ATP13A3: variants seen among roughly 807,000 people sequenced by gnomAD.
ATP13A3 encodes the protein polyamine-transporting ATPase 13A3.
ATP13A3 carries 59 observed loss-of-function variants against 158.1 expected under a neutral mutation model. That is an observed-to-expected ratio of 0.37 (90% CI 0.30 to 0.46). The LOEUF (loss-of-function observed/expected upper bound fraction) is 0.46. Among genes scored for constraint, ATP13A3 ranks in the 20% least tolerant of loss-of-function variants. ATP13A3 has a pLI of 1.00. For synonymous variants in ATP13A3, 491 were observed against 504.3 expected (o/e 0.97, Z 0.35); for missense variants, 1,166 against 1,525.2 (o/e 0.76, Z 3.92).
chr3:194,445,696 T>C (rs1416672986), intron 14 of ATP13A3, among the ~76,000 whole-genome samples: 1 of 152,242 alleles, frequency 6.6e-6, no homozygotes, highest in Non-Finnish European at 1.5e-5. Flanking sequence ...TATTTTTTTC[T>C]AACAGAACAT....
intron 15 of ATP13A3, among the ~76,000 whole-genome samples, chr3:194,442,902 C>T (rs901526052): frequency 5.3e-5 from 8 of 152,072 alleles, no homozygotes; most frequent in African/African-American, 1.9e-4. Flanking sequence ...GAAATAACAG[C>T]TTCATAGTAT....
At chr3:194,406,991 A>T (rs1714986591) in intron 33 of ATP13A3, among the ~76,000 whole-genome samples, 1 of 152,212 alleles carries the variant, frequency 6.6e-6, no homozygotes, top group Non-Finnish European at 1.5e-5. Context: ...ATCAATCCTG[A>T]TGTTTTTAGT....
rs189935857 is a variant in ATP13A3, at chr3:194,414,221, G to T, written c.3403-382C>A. On this transcript the variant is annotated intron_variant, in intron 31 of 33. Coordinates refer to ENST00000645319, the MANE Select transcript of ATP13A3 (RefSeq NM_001367549.1). ...CTCATGCCTGTGATCCCAACATCTT[G>T]GGAGGCAGAGGTGGGCAGATCACTT... 2.7e-3 allele frequency among the ~76,000 whole-genome samples: 416 copies of T among 152,212 alleles called. 1 individual carries two copies. Among genetic ancestry groups the T allele is most frequent in the Non-Finnish European group, 4.4e-3 (301 of 68,022 alleles).
At chr3:194,441,274 T>G in intron 16 of ATP13A3, 37 bp downstream of exon 16, 1 of 1,522,296 alleles carries the variant, frequency 6.6e-7, no homozygotes, top group Non-Finnish European at 9.0e-7. Context: ...ACTATTATTT[T>G]CCTAAAGTTA....
chr3:194,458,928 C>A (rs1055200008), intron 6 of ATP13A3: 2 of 151,982 alleles, frequency 1.3e-5, no homozygotes, highest in African/African-American at 4.8e-5. Context: ...TCTAAAGCAA[C>A]GATATTAATG....
In ATP13A3 at chr3:194,486,563, C is replaced by A; in HGVS notation, c.-89+3G>T. On this transcript the variant is annotated splice_donor_region_variant and intron_variant, in intron 1 of 33. Coordinates refer to ENST00000645319, the MANE Select transcript of ATP13A3 (RefSeq NM_001367549.1). Reference sequence around the variant, plus strand: ...CTGCCCACCCGCCCCTCGCCCCGCTCACCGGGGCCGCTCACTGGCCGCCGC... The same window carrying A: ...CTGCCCACCCGCCCCTCGCCCCGCTAACCGGGGCCGCTCACTGGCCGCCGC... The A allele has an allele frequency of 6.6e-6, 1 of 151,736 alleles. No homozygotes were observed. The highest frequency in any genetic ancestry group is 1.8e-4 in the South Asian group (1 of 5,584). The allele number at this position is 151,736 out of a possible 1,614,324, so 9.4% of individuals were successfully genotyped here.
At chr3:194,492,969 A>G (rs1216463445) in intron 2 of ATP13A3, among the ~76,000 whole-genome samples, 1 of 152,080 alleles carries the variant, frequency 6.6e-6, no homozygotes, top group East Asian at 1.9e-4. Flanking sequence ...CACATAAAAT[A>G]TCCTTCTCAC....
In ATP13A3 at chr3:194,416,429, G is replaced by A. The variant is rs542350018; in HGVS notation, c.3403-2590C>T. 4.6e-5 allele frequency among the ~76,000 whole-genome samples: 7 copies of A among 152,150 alleles called. No homozygotes were observed. In the East Asian group the frequency reaches 1.4e-3, roughly 29 times the overall value. ...GCCGAGATCATGCCACTGCACTCCAGCCTGGGCGACAGAGCGAGACTCCAT... is the reference window on the plus strand; with the variant it reads ...GCCGAGATCATGCCACTGCACTCCAACCTGGGCGACAGAGCGAGACTCCAT... On this transcript the variant is annotated intron_variant, in intron 31 of 33. Transcript: ENST00000645319.
rs370382529 is a variant in ATP13A3 at position 194,437,294 on chromosome 3, C to T, written c.1999+17G>A. The T allele has an allele frequency of 1.9e-5, 31 of 1,614,060 alleles. No homozygotes were observed. The highest frequency in any genetic ancestry group is 2.4e-5 in the Non-Finnish European group (28 of 1,180,030). ...TCAAATACCAGAATTGTACCCAAAGCATAGATATTTCCTTACCTGTTTCAG... is the reference window on the plus strand; with the variant it reads ...TCAAATACCAGAATTGTACCCAAAGTATAGATATTTCCTTACCTGTTTCAG... On this transcript the variant is annotated intron_variant, in intron 19 of 33. Coordinates refer to ENST00000645319, the MANE Select transcript of ATP13A3 (RefSeq NM_001367549.1).
intron 2 of ATP13A3, among the ~76,000 whole-genome samples, chr3:194,473,760 G>T (rs1410661751): frequency 6.6e-6 from 1 of 152,076 alleles, no homozygotes; most frequent in African/African-American, 2.4e-5. Flanking sequence ...GCAGCAGGGG[G>T]AAAAAACCTA....
chr3:194,486,669 C>G lies in ATP13A3; in HGVS notation c.-192G>C, dbSNP rs1303448029. 8 of 148,914 alleles carry G rather than the reference C, an allele frequency of 5.4e-5. No individual in the cohort carries two copies. Among genetic ancestry groups the G allele is most frequent in the Non-Finnish European group, 7.5e-5 (5 of 66,634 alleles). The allele number at this position is 148,914 out of a possible 1,614,324, so 9.2% of individuals were successfully genotyped here. On this transcript the variant is annotated 5_prime_UTR_variant, in exon 1 of 34. Coordinates refer to ENST00000645319, the MANE Select transcript of ATP13A3 (RefSeq NM_001367549.1). ...GGGACCCGGCCGCCGCTGTCGCCGCCGCCGCCTCGCCTCAGCCCAGCCCCA... is the reference window on the plus strand; with the variant it reads ...GGGACCCGGCCGCCGCTGTCGCCGCGGCCGCCTCGCCTCAGCCCAGCCCCA...
intron 15 of ATP13A3, among the ~76,000 whole-genome samples, chr3:194,443,311 A>G (rs1269390304): frequency 6.6e-6 from 1 of 152,208 alleles, no homozygotes; most frequent in African/African-American, 2.4e-5. Flanking sequence ...ATGAACTTTA[A>G]GTATAAATAT....
chr3:194,410,320 A>AAAAAC lies in ATP13A3; in HGVS notation c.3573+1878_3573+1879insGTTTT, dbSNP rs1715295174. Reference sequence around the variant, plus strand: ...GCAAAAAAAAAAAAAAAAAAAAAAAAAAAAAAAAAAACTGCTGGGCCTGGG... The same window carrying AAAAAC: ...GCAAAAAAAAAAAAAAAAAAAAAAAAAAAACAAAAAAAAAAACTGCTGGGCCTGGG... On this transcript the variant is annotated intron_variant, in intron 33 of 33. Coordinates refer to ENST00000645319, the MANE Select transcript of ATP13A3 (RefSeq NM_001367549.1). Among the ~76,000 whole-genome samples, 20 of 125,950 alleles carry AAAAAC rather than the reference A, an allele frequency of 1.6e-4. 1 individual carries two copies. Among genetic ancestry groups the AAAAAC allele is most frequent in the African/African-American group, 5.8e-4 (16 of 27,430 alleles). 82.6% of individuals were successfully genotyped at this position (125,950 alleles called of 152,430 possible). A position where few individuals can be genotyped will look rare whatever the true frequency, so the allele number is the denominator to read the frequency against.
chr3:194,431,027 AAAC>A lies in ATP13A3; in HGVS notation c.2545-8_2545-6del, dbSNP rs756368832. ...CACGGTGCCATGCAACATCAACTGG[AAAC>A]AATAATACAAATTTTTTTAAAATAC... On this transcript the variant is annotated splice_region_variant and splice_polypyrimidine_tract_variant and intron_variant, in intron 23 of 33. Transcript: ENST00000645319. The A allele has an allele frequency of 2.5e-6, 4 of 1,613,588 alleles. No individual in the cohort carries two copies. Among genetic ancestry groups the A allele is most frequent in the Non-Finnish European group, 3.4e-6 (4 of 1,179,666 alleles).
intron 31 of ATP13A3, among the ~76,000 whole-genome samples, chr3:194,414,442 GA>G (rs1011267375): frequency 1.4e-5 from 2 of 144,278 alleles, no homozygotes; most frequent in African/African-American, 5.4e-5. Flanking sequence ...CAGCGTGGGT[GA>G]CAGAAGAACC....
chr3:194,466,652 G>A (rs1368687457), intron 2 of ATP13A3, among the ~76,000 whole-genome samples: 1 of 152,090 alleles, frequency 6.6e-6, no homozygotes, highest in African/African-American at 2.4e-5. Context: ...ACTTTTTAAT[G>A]TGTAGAAATT....
intron 21 of ATP13A3, 133 bp downstream of exon 21, chr3:194,433,639 A>T (rs1717409504): frequency 8.9e-7 from 1 of 1,117,516 alleles, no homozygotes; most frequent in African/African-American, 1.6e-5. Context: ...AAATATTCAG[A>T]GCTAAAAGAG....
At position 194,460,938 on chromosome 3, in the gene ATP13A3, G is replaced by A. The variant is rs1363424779; in HGVS notation, c.52-107C>T. The stretch of plus-strand genomic sequence containing the variant: ...TTTCCAGATAGGTATTTATTGTCTT[G>A]TCACATAAACTGTAAATATTTTCCA... On this transcript the variant is annotated intron_variant, in intron 3 of 33. Transcript: ENST00000645319. 7.6e-6 allele frequency: 9 copies of A among 1,188,450 alleles called. No individual in the cohort carries two copies. The East Asian group carries it at 1.6e-4, about 20-fold the overall frequency. 73.6% of individuals were successfully genotyped at this position (1,188,450 alleles called of 1,614,324 possible). A position where few individuals can be genotyped will look rare whatever the true frequency, so the allele number is the denominator to read the frequency against.
chr3:194,430,398 T>A, intron 24 of ATP13A3, 83 bp from the exon 25 acceptor site: 1 of 1,413,824 alleles, frequency 7.1e-7, no homozygotes, highest in South Asian at 1.2e-5. Flanking sequence ...TCTATTACAG[T>A]ATTATAAAGA....
Sources: allele counts gnomAD v4.1 joint callset (sites outside exome capture counted in the v4.1 genomes callset), GRCh38; gene constraint gnomAD v4.1.1; transcripts MANE v1.5; gene names NCBI Gene and HGNC (gene_info 2026-07-23, HGNC 2026-07-21).